The following CAMTA2 variants were observed in gnomAD, a reference collection of about 807,000 sequenced individuals.
The protein encoded by CAMTA2 is calmodulin binding transcription activator 2, also known as calmodulin-binding transcription activator 2.
A neutral mutation model predicts 135.7 loss-of-function variants in CAMTA2; 56 were observed. The ratio of observed to expected loss-of-function variants is 0.41; its 90% CI spans 0.33 to 0.52. CAMTA2 has a LOEUF of 0.52. Among genes scored for constraint, CAMTA2 ranks in the 20% least tolerant of loss-of-function variants. The pLI is 0.16. For synonymous variants in CAMTA2, 591 were observed against 604.6 expected (o/e 0.98, Z 0.33); for missense variants, 1,358 against 1,553.4 (o/e 0.87, Z 2.11).
rs1372279682 is a variant in CAMTA2 at position 4,987,660 on chromosome 17, GC to G, written c.-133del. 6.6e-7 allele frequency: 1 copy of G among 1,519,872 alleles called. No homozygotes were observed. The highest frequency in any genetic ancestry group is 8.8e-7 in the Non-Finnish European group (1 of 1,138,508). 94.1% of individuals were successfully genotyped at this position (1,519,872 alleles called of 1,614,324 possible). A position where few individuals can be genotyped will look rare whatever the true frequency, so the allele number is the denominator to read the frequency against. On this transcript the variant is annotated 5_prime_UTR_variant, in exon 1 of 23. Transcript: ENST00000348066. ...CCCACACCGACCCCCCCCAGCGCCGGCTGACAGCGGCGTCTAACGTCACTGC... is the reference window on the plus strand; with the variant it reads ...CCCACACCGACCCCCCCCAGCGCCGGTGACAGCGGCGTCTAACGTCACTGC...
At chr17:4,974,314 C>T (rs1015327506) in intron 12 of CAMTA2, 71 bp downstream of exon 12, 8 of 957,484 alleles carry the variant, frequency 8.4e-6, no homozygotes, top group Non-Finnish European at 1.4e-5. Flanking sequence ...GTCATGGGCA[C>T]TAGATGTTTT....
Position 4,972,416 on chromosome 17 carries a change from G to T in CAMTA2, c.2624C>A (p.Thr875Asn). ...PPAPLPASEM[T>N]MEDMAPGQLS... ...CTGGCCTGGGGCCATGTCCTCCATAGTCATCTCAGAGGCTGGCAGAGGTGC... is the reference window on the plus strand; with the variant it reads ...CTGGCCTGGGGCCATGTCCTCCATATTCATCTCAGAGGCTGGCAGAGGTGC... The change falls in exon 16 of 23, where the codon ACT becomes AAT. Residue 875 changes from threonine to asparagine, a missense_variant. Around this residue, in one of 4 missense-constraint regions of CAMTA2, gnomAD observed 1,077 missense variants for 1,127.5 expected, o/e 0.96. Transcript: ENST00000348066. 6.2e-7 allele frequency: 1 copy of T among 1,614,108 alleles called. No homozygotes were observed. Among genetic ancestry groups the T allele is most frequent in the Non-Finnish European group, 8.5e-7 (1 of 1,180,006 alleles).
intron 10 of CAMTA2, among the ~76,000 whole-genome samples, chr17:4,978,040 C>T (rs1972724126): frequency 6.6e-6 from 1 of 152,194 alleles, no homozygotes; most frequent in Non-Finnish European, 1.5e-5. Context: ...GCACATGTGG[C>T]TAATGGCTAC....
chr17:4,972,942 C>A lies in CAMTA2; in HGVS notation c.2330G>T (p.Arg777Leu), dbSNP rs758946608. Residue 777 changes from arginine to leucine, a missense_variant, in exon 15 of 23, where the codon CGT (arginine) becomes CTT (leucine). Coordinates refer to ENST00000348066, the MANE Select transcript of CAMTA2 (RefSeq NM_015099.4). ...AATGCTCAGTGCCTGTCGGTTCCAACGGAAAAGGAGCACAGCAGCTTCCAG... is the reference window on the plus strand; with the variant it reads ...AATGCTCAGTGCCTGTCGGTTCCAAAGGAAAAGGAGCACAGCAGCTTCCAG... Reference protein sequence around the residue: ...GHLEAAVLLFRWNRQALSIPD... With the variant: ...GHLEAAVLLFLWNRQALSIPD... The A allele has an allele frequency of 6.2e-7, 1 of 1,613,628 alleles. No homozygotes were observed. Among genetic ancestry groups the A allele is most frequent in the South Asian group, 1.1e-5 (1 of 91,088 alleles).
At chr17:4,985,851 G>C (rs377555376) in intron 3 of CAMTA2, 29 bp downstream of exon 3, 27 of 1,486,810 alleles carry the variant, frequency 1.8e-5, no homozygotes, top group Non-Finnish European at 2.4e-5. Context: ...GGTCTTGCTG[G>C]GCCCCAACCC....
Position 4,969,545 on chromosome 17 carries a change from G to C in CAMTA2, c.3262-25C>G. 3.7e-6 allele frequency: 6 copies of C among 1,614,164 alleles called. No homozygotes were observed. Among genetic ancestry groups the C allele is most frequent in the Non-Finnish European group, 5.1e-6 (6 of 1,180,010 alleles). On this transcript the variant is annotated intron_variant, in intron 19 of 22. Coordinates refer to ENST00000348066, the MANE Select transcript of CAMTA2 (RefSeq NM_015099.4). The surrounding 1 kb of genome is among the most constrained non-coding windows in gnomAD (Gnocchi z 5.6). ...GCTTGTGGAGAGAGAAGGGGAGTTA[G>C]GGCTCTGGCAACATTCTGGAATGGT...
At chr17:4,981,430 C>T in intron 7 of CAMTA2, 71 bp from the exon 8 acceptor site, 1 of 1,576,124 alleles carries the variant, frequency 6.3e-7, no homozygotes, top group Non-Finnish European at 8.6e-7. Flanking sequence ...ATGGCTCCTC[C>T]AAGCACCTGA....
intron 5 of CAMTA2, 112 bp from the exon 6 acceptor site, chr17:4,982,272 TC>T (rs1567697975): frequency 1.3e-6 from 1 of 771,022 alleles, no homozygotes; most frequent in East Asian, 2.6e-5. Flanking sequence ...CTTCAACCCT[TC>T]CCCCACCCTC....
At position 4,980,858 on chromosome 17, in the gene CAMTA2, G is replaced by T. The variant is rs1174484086; in HGVS notation, c.701-237C>A. On this transcript the variant is annotated intron_variant, in intron 8 of 22. Transcript: ENST00000348066. The surrounding 1 kb of genome is among the most constrained non-coding windows in gnomAD (Gnocchi z 5.3). ...GACCAGAGGAACGCTCCAGAGAACT[G>T]AGGGCTTGGGAGAGTAGCTAAAAGC... 6.6e-6 allele frequency among the ~76,000 whole-genome samples: 1 copy of T among 152,142 alleles called. No homozygotes were observed. Among genetic ancestry groups the T allele is most frequent in the African/African-American group, 2.4e-5 (1 of 41,408 alleles).
chr17:4,986,868 A>C, intron 1 of CAMTA2: 2 of 1,088,030 alleles, frequency 1.8e-6, no homozygotes, highest in Non-Finnish European at 2.7e-6. Flanking sequence ...CCCTCAGGAC[A>C]ACCCACCCTC....
rs1972948421 is a variant in CAMTA2 at position 4,981,324 on chromosome 17, C to G, written c.601G>C (p.Glu201Gln). 1.2e-6 allele frequency: 2 copies of G among 1,614,116 alleles called. No individual in the cohort carries two copies. The highest frequency in any genetic ancestry group is 1.7e-6 in the Non-Finnish European group (2 of 1,179,988). ...ACCAGGTGTTCTACAGAGAACTCTT[C>G]TGTTCCATTCCCGCAGCTCCACTTG... is the stretch of plus-strand genomic sequence containing the variant. ...GIKWSCGNGT[E>Q]EFSVEHLVQQ... The change falls in exon 8 of 23, where the codon GAA becomes CAA. Residue 201 changes from glutamate (E) to glutamine (Q), a missense_variant. By Grantham distance (29) the Glu-to-Gln change is conservative. Transcript: ENST00000348066.
chr17:4,986,694 T>G, intron 1 of CAMTA2: 1 of 545,762 alleles, frequency 1.8e-6, no homozygotes, highest in South Asian at 2.2e-5. Context: ...GGGCAGGAGA[T>G]TCTACCTCCG....
Position 4,969,254 on chromosome 17 carries a change from C to G in CAMTA2, c.3366G>C (p.Gln1122His), listed in dbSNP as rs568614041. 4 of 1,613,856 alleles carry G rather than the reference C, an allele frequency of 2.5e-6. No homozygotes were observed. Among genetic ancestry groups the G allele is most frequent in the African/African-American group, 1.3e-5 (1 of 74,912 alleles). Reference protein sequence around the residue: ...FRSYYEQKRFQQSRRAAVLIQ... With the variant: ...FRSYYEQKRFHQSRRAAVLIQ... ...TGAGCACAGCCGCTCGGCGGCTCTG[C>G]TGAAATCGCTTCTGTTCATAGTAGC... The change falls in exon 21 of 23, where the codon CAG (glutamine) becomes CAC (histidine). Residue 1122 changes from glutamine (Q) to histidine (H), a missense_variant. Gln to His is a conservative substitution (Grantham distance 24). This residue lies in a region of CAMTA2 where 167 missense variants were observed against 207.0 expected (regional missense o/e 0.81). Coordinates refer to ENST00000348066, the MANE Select transcript of CAMTA2 (RefSeq NM_015099.4). This position sits in a 1 kb window ranked among gnomAD's most constrained non-coding sequence, Gnocchi z 5.6.
chr17:4,972,885 A>G lies in CAMTA2; in HGVS notation c.2387T>C (p.Val796Ala), dbSNP rs1461924158. ...PDSLGRLPLS[V>A]AHSRGHVRLA... ...GCGCACATGACCCCGGGAATGAGCCACAGACAATGGCAGACGGCCCAGAGA... is the reference window on the plus strand; with the variant it reads ...GCGCACATGACCCCGGGAATGAGCCGCAGACAATGGCAGACGGCCCAGAGA... Residue 796 changes from valine (V) to alanine (A), a missense_variant, in exon 15 of 23, where the codon GTG becomes GCG. Coordinates refer to ENST00000348066, the MANE Select transcript of CAMTA2 (RefSeq NM_015099.4). 1.2e-6 allele frequency: 2 copies of G among 1,613,866 alleles called. No homozygotes were observed. Among genetic ancestry groups the G allele is most frequent in the South Asian group, 1.1e-5 (1 of 91,090 alleles).
Position 4,969,378 on chromosome 17 carries a change from G to A in CAMTA2, c.3283-41C>T, listed in dbSNP as rs535916318. The A allele has an allele frequency of 1.9e-6, 3 of 1,610,460 alleles. No individual in the cohort carries two copies. The highest frequency in any genetic ancestry group is 2.7e-5 in the African/African-American group (2 of 74,950). ...GGAGGGACAGGGGCTGAAATAGAGG[G>A]ACGGAGACCCAAAGCCCTGAGGCTC... On this transcript the variant is annotated intron_variant, in intron 20 of 22. Transcript: ENST00000348066. This position sits in a 1 kb window ranked among gnomAD's most constrained non-coding sequence, Gnocchi z 5.6.
At position 4,977,154 on chromosome 17, in the gene CAMTA2, G is replaced by A. The variant is rs148558630; in HGVS notation, c.1804C>T (p.Arg602Trp). 9 of 1,613,974 alleles carry A rather than the reference G, an allele frequency of 5.6e-6. No homozygotes were observed. Among genetic ancestry groups the A allele is most frequent in the Non-Finnish European group, 6.8e-6 (8 of 1,179,950 alleles). ...ACAGAAGCAGAAAGGGGCCCCTCCC[G>A]CCCTGCCACCTGCAAAGACACCAGC... The part of the protein sequence containing the change: ...VGLVSLQVAG[R>W]EGPLSASVLF... Residue 602 changes from arginine (R) to tryptophan (W), a missense_variant, in exon 11 of 23, where the codon CGG becomes TGG. By Grantham distance (101) the Arg-to-Trp change is moderately radical. Coordinates refer to ENST00000348066, the MANE Select transcript of CAMTA2 (RefSeq NM_015099.4).
In CAMTA2 at chr17:4,979,831, T is replaced by C. The variant is rs1023528305; in HGVS notation, c.1491A>G (p.Glu497=). ...ATGATGAAAGACTGAAGGGCTCCAG[T>C]TCACTGGCCCCAACAGGTCCTCCAA... ...ALFGGPVGAS[E]LEPFSLSSFP... Residue 497 remains glutamate, a synonymous_variant, in exon 9 of 23, where the codon GAA becomes GAG. Transcript: ENST00000348066. 1 of 1,613,866 alleles carries C rather than the reference T, an allele frequency of 6.2e-7. No homozygotes were observed. The highest frequency in any genetic ancestry group is 1.7e-5 in the Admixed American group (1 of 59,998).
chr17:4,987,509 GC>G (rs1653578844), intron 1 of CAMTA2, 83 bp downstream of exon 1: 1 of 1,431,054 alleles, frequency 7.0e-7, no homozygotes, highest in Non-Finnish European at 9.2e-7. Flanking sequence ...GTGGTCCCTG[GC>G]GCGGCGCTCC....
intron 3 of CAMTA2, among the ~76,000 whole-genome samples, chr17:4,984,103 A>C (rs981707650): frequency 1.3e-5 from 2 of 151,872 alleles, no homozygotes; most frequent in African/African-American, 2.4e-5. Flanking sequence ...GGCGCCCACG[A>C]CCACGCCCGG....
Sources: gnomAD v4.1 joint callset for allele counts (sites outside exome capture counted in the v4.1 genomes callset) on GRCh38, gnomAD v4.1.1 for gene constraint, gnomAD v4.1.1 regional missense constraint, Gnocchi (gnomAD v3.1) non-coding constraint, MANE v1.5 for transcripts, NCBI Gene and HGNC (gene_info 2026-07-23, HGNC 2026-07-21) for gene names.